Variants in HERC2 observed in about 807,000 individuals in gnomAD.
HERC2 encodes the protein HECT and RLD domain containing E3 ubiquitin protein ligase 2.
In HERC2, 102 loss-of-function variants were observed where a neutral mutation model predicts 537.7. That is an observed-to-expected ratio of 0.19 (90% CI 0.16 to 0.22). The LOEUF (loss-of-function observed/expected upper bound fraction) is 0.22, where lower values mean the gene tolerates loss of function less well. HERC2 is among the 10% of genes least tolerant of loss of function. The pLI is 1.00. For synonymous variants in HERC2, 2,224 were observed against 2,466.2 expected (o/e 0.90, Z 2.91); for missense variants, 4,236 against 6,198.2 (o/e 0.68, Z 10.63).
At chr15:28,151,544 A>T (rs1243609342) in intron 70 of HERC2, among the ~76,000 whole-genome samples, 1 of 152,128 alleles carries the variant, frequency 6.6e-6, no homozygotes, top group Non-Finnish European at 1.5e-5. Flanking sequence ...TATGAACTCA[A>T]AAGAATCCAG....
At chr15:28,209,221 G>C (rs1296508407) in intron 44 of HERC2, among the ~76,000 whole-genome samples, 1 of 151,802 alleles carries the variant, frequency 6.6e-6, no homozygotes, top group Non-Finnish European at 1.5e-5. Context: ...CATATCCATG[G>C]GTTCTGCATC....
At chr15:28,293,507 A>G (rs1191064986) in intron 3 of HERC2, among the ~76,000 whole-genome samples, 39 of 151,936 alleles carry the variant, frequency 2.6e-4, no homozygotes, top group African/African-American at 8.9e-4. Context: ...AAAAAAAAAA[A>G]AAAAGAAACC....
rs1293376431 is a variant in HERC2, at chr15:28,248,755, G to T, written c.3051-19C>A. ...AATGTTTCTATACAGGAAAGAAGAGGATTACAAAATTAAACAAGATATTTC... is the reference window on the plus strand; with the variant it reads ...AATGTTTCTATACAGGAAAGAAGAGTATTACAAAATTAAACAAGATATTTC... On this transcript the variant is annotated intron_variant, in intron 20 of 92. Coordinates refer to ENST00000261609, the MANE Select transcript of HERC2 (RefSeq NM_004667.6). 5 of 1,586,790 alleles carry T rather than the reference G, an allele frequency of 3.2e-6. No individual in the cohort carries two copies. Among genetic ancestry groups the T allele is most frequent in the African/African-American group, 1.4e-5 (1 of 73,832 alleles).
At chr15:28,279,232 G>A (rs768518339) in intron 5 of HERC2, among the ~76,000 whole-genome samples, 3 of 151,916 alleles carry the variant, frequency 2.0e-5, no homozygotes, top group South Asian at 2.1e-4. Flanking sequence ...GAGGTGATCC[G>A]CCCACCTCAG....
chr15:28,291,809 G>A (rs1294913984), intron 4 of HERC2, among the ~76,000 whole-genome samples: 1 of 151,178 alleles, frequency 6.6e-6, no homozygotes, highest in Non-Finnish European at 1.5e-5. Flanking sequence ...GAAGGCTGAG[G>A]CAGGAGAATG....
At chr15:28,238,875 A>C (rs1902744597) in intron 23 of HERC2, 103 bp from the exon 24 acceptor site, 1 of 834,616 alleles carries the variant, frequency 1.2e-6, no homozygotes, top group Non-Finnish European at 2.1e-6. Context: ...ACAAACCCAC[A>C]ATCACAATGG....
At chr15:28,304,747 A>G (rs1244407534) in intron 2 of HERC2, among the ~76,000 whole-genome samples, 51 of 128,536 alleles carry the variant, frequency 4.0e-4, no homozygotes, top group African/African-American at 1.4e-3. Flanking sequence ...TTTAGGGTAC[A>G]TGTGCACATT....
intron 37 of HERC2, among the ~76,000 whole-genome samples, chr15:28,219,748 A>G (rs1329320304): frequency 6.6e-6 from 1 of 152,196 alleles, no homozygotes; most frequent in African/African-American, 2.4e-5. Context: ...ATGACACTGT[A>G]GCCATGGGGG....
intron 2 of HERC2, among the ~76,000 whole-genome samples, chr15:28,300,092 C>G (rs1396959198): frequency 6.7e-6 from 1 of 150,086 alleles, no homozygotes; most frequent in Non-Finnish European, 1.5e-5. Flanking sequence ...AAAAAAGACA[C>G]ACACACAAAC....
At chr15:28,293,063 G>C in intron 3 of HERC2, 41 bp from the exon 4 acceptor site, 1 of 1,585,540 alleles carries the variant, frequency 6.3e-7, no homozygotes. Flanking sequence ...CCGCTTTTCA[G>C]AATGCCATAC....
chr15:28,244,926 G>A (rs1056843639), intron 23 of HERC2, among the ~76,000 whole-genome samples: 1 of 152,106 alleles, frequency 6.6e-6, no homozygotes, highest in African/African-American at 2.4e-5. Flanking sequence ...TTGATTCTGA[G>A]TCCAGGAAGC....
chr15:28,137,735 G>T (rs1000883916), intron 78 of HERC2, among the ~76,000 whole-genome samples: 2 of 152,092 alleles, frequency 1.3e-5, no homozygotes, highest in African/African-American at 4.8e-5. Context: ...TTGAAATAAG[G>T]CCACTTAATA....
chr15:28,227,281 A>T (rs1175853710), intron 35 of HERC2, among the ~76,000 whole-genome samples: 1 of 152,102 alleles, frequency 6.6e-6, no homozygotes, highest in African/African-American at 2.4e-5. Flanking sequence ...TCTCAAAAAA[A>T]AGTAAAATAA....
chr15:28,224,941 A>T (rs986689008), intron 35 of HERC2, among the ~76,000 whole-genome samples: 1 of 152,276 alleles, frequency 6.6e-6, no homozygotes, highest in Non-Finnish European at 1.5e-5. Context: ...AAATACTATG[A>T]GATGAATGAA....
chr15:28,144,563 C>A, intron 72 of HERC2, 110 bp downstream of exon 72: 3 of 1,464,674 alleles, frequency 2.0e-6, no homozygotes, highest in Admixed American at 1.7e-5. Flanking sequence ...TCCAACACAG[C>A]AGAAGGCAGG....
intron 35 of HERC2, among the ~76,000 whole-genome samples, chr15:28,226,285 A>T (rs1385262137): frequency 2.0e-5 from 3 of 152,176 alleles, no homozygotes; most frequent in Non-Finnish European, 2.9e-5. Context: ...GCCAGCCTTG[A>T]AGTTCATGTG....
intron 16 of HERC2, among the ~76,000 whole-genome samples, chr15:28,259,060 G>A (rs1046491321): frequency 2.0e-5 from 3 of 152,144 alleles, no homozygotes; most frequent in African/African-American, 7.2e-5. Context: ...TTCTATATCT[G>A]TTAAAGAAAT....
intron 44 of HERC2, among the ~76,000 whole-genome samples, chr15:28,208,362 G>A (rs1176423738): frequency 6.6e-6 from 1 of 151,784 alleles, no homozygotes; most frequent in South Asian, 2.1e-4. Flanking sequence ...TCATCTACAA[G>A]ACTACACCAT....
At chr15:28,290,763 G>A (rs1469620159) in intron 4 of HERC2, among the ~76,000 whole-genome samples, 3 of 152,186 alleles carry the variant, frequency 2.0e-5, no homozygotes, top group African/African-American at 4.8e-5. Flanking sequence ...TCAACTGAAT[G>A]AAGATGAAAA....
Sources: allele counts gnomAD v4.1 joint callset (sites outside exome capture counted in the v4.1 genomes callset), GRCh38; gene constraint gnomAD v4.1.1; transcripts MANE v1.5; gene names NCBI Gene and HGNC (gene_info 2026-07-23, HGNC 2026-07-21).